The following HPR variants were observed in gnomAD, a reference collection of about 807,000 sequenced individuals.
The protein encoded by HPR is haptoglobin-related protein.
HPR carries 17 observed loss-of-function variants against 18.5 expected under a neutral mutation model. The observed-to-expected ratio is 0.92, with a 90% CI of 0.63 to 1.38. The LOEUF is 1.38. HPR is among the 40% of genes most tolerant of loss of function. The pLI, the probability that HPR is intolerant of heterozygous loss-of-function variation, is 0.00. For synonymous variants in HPR, 176 were observed against 165.0 expected (o/e 1.07, Z -0.51); for missense variants, 457 against 432.4 (o/e 1.06, Z -0.51).
chr16:72,063,553 C>T lies in HPR; in HGVS notation c.5+293C>T, dbSNP rs1345121515. 7.2e-5 allele frequency among the ~76,000 whole-genome samples: 11 copies of T among 151,974 alleles called. No individual in the cohort carries two copies. In the South Asian group the frequency reaches 8.3e-4, roughly 12 times the overall value. Reference sequence around the variant, plus strand: ...CTCCCGTGGTAGGCTTCCTGGCATTCGGAATATATTTACTAGCAGATATTT... The same window carrying T: ...CTCCCGTGGTAGGCTTCCTGGCATTTGGAATATATTTACTAGCAGATATTT... On this transcript the variant is annotated intron_variant, in intron 1 of 4. Coordinates refer to ENST00000540303, the MANE Select transcript of HPR (RefSeq NM_020995.4).
intron 1 of HPR, chr16:72,073,657 T>A (rs1262059100): frequency 7.2e-7 from 1 of 1,381,748 alleles, no homozygotes; most frequent in Admixed American, 2.3e-5. Context: ...GGAAGCTTGG[T>A]ATGCTCAGAA....
At chr16:72,069,164 C>CGGGGTT (rs1411109323) in intron 1 of HPR, among the ~76,000 whole-genome samples, 31 of 152,300 alleles carry the variant, frequency 2.0e-4, no homozygotes, top group African/African-American at 7.2e-4. Flanking sequence ...AAGGAACCAT[C>CGGGGTT]TATACTGATT....
chr16:72,064,614 G>A (rs2041578520), intron 1 of HPR, among the ~76,000 whole-genome samples: 1 of 152,304 alleles, frequency 6.6e-6, no homozygotes, highest in African/African-American at 2.4e-5. Context: ...GACAAGCTGC[G>A]TTAGACATAA....
rs191919728 is a variant in HPR at position 72,070,740 on chromosome 16, C to G, written c.6-3152C>G. ...GTCATCCTGTGTGGAGACAAGCAAG[C>G]TCAAAGGAAGCTGTCTCATGTAGAT... On this transcript the variant is annotated intron_variant, in intron 1 of 4. Coordinates refer to ENST00000540303, the MANE Select transcript of HPR (RefSeq NM_020995.4). Among the ~76,000 whole-genome samples, 382 of 152,236 alleles carry G rather than the reference C, an allele frequency of 2.5e-3. 3 individuals are homozygous for G. Among genetic ancestry groups the G allele is most frequent in the Non-Finnish European group, 4.0e-3 (271 of 68,016 alleles).
chr16:72,067,491 A>T (rs1482136442), intron 1 of HPR, among the ~76,000 whole-genome samples: 1 of 152,208 alleles, frequency 6.6e-6, no homozygotes, highest in Non-Finnish European at 1.5e-5. Context: ...AGTTAGGCAT[A>T]GGCCTACAAG....
At chr16:72,070,988 T>C (rs1414686118) in intron 1 of HPR, among the ~76,000 whole-genome samples, 2 of 152,152 alleles carry the variant, frequency 1.3e-5, no homozygotes, top group Non-Finnish European at 2.9e-5. Flanking sequence ...CCCTCATTGC[T>C]AATTATAGCT....
At chr16:72,067,149 G>A (rs1462888534) in intron 1 of HPR, among the ~76,000 whole-genome samples, 1 of 152,150 alleles carries the variant, frequency 6.6e-6, no homozygotes, top group Non-Finnish European at 1.5e-5. Flanking sequence ...TTCCACTCAC[G>A]ACCTTTGAAG....
intron 4 of HPR, 100 bp from the exon 5 acceptor site, chr16:72,076,203 A>G: frequency 2.6e-6 from 4 of 1,567,406 alleles, no homozygotes; most frequent in Non-Finnish European, 3.5e-6. Context: ...AAATCTTTCC[A>G]GTTTATGCAG....
chr16:72,074,675 T>G, intron 3 of HPR: 1 of 707,662 alleles, frequency 1.4e-6, no homozygotes. Context: ...AAAGAAGGAA[T>G]GCTGATGATG....
Position 72,076,462 on chromosome 16 carries a change from C to T in HPR, c.428C>T (p.Ala143Val), listed in dbSNP as rs761783296. ...LINEQWLLTTAKNLFLNHSEN... is the reference protein window; with the variant it reads ...LINEQWLLTTVKNLFLNHSEN... ...AATGAACAATGGCTGCTGACCACGGCTAAAAATCTCTTCCTGAACCATTCA... is the reference window on the plus strand; with the variant it reads ...AATGAACAATGGCTGCTGACCACGGTTAAAAATCTCTTCCTGAACCATTCA... The change falls in exon 5 of 5, where the codon GCT becomes GTT. Residue 143 changes from alanine (A) to valine (V), a missense_variant. Coordinates refer to ENST00000540303, the MANE Select transcript of HPR (RefSeq NM_020995.4). The T allele has an allele frequency of 1.5e-5, 25 of 1,614,140 alleles. No individual in the cohort carries two copies. Among genetic ancestry groups the T allele is most frequent in the Non-Finnish European group, 2.1e-5 (25 of 1,180,008 alleles).
chr16:72,065,924 T>A (rs1252753042), intron 1 of HPR, among the ~76,000 whole-genome samples: 1 of 152,186 alleles, frequency 6.6e-6, no homozygotes, highest in East Asian at 1.9e-4. Flanking sequence ...CTCAGGCAGC[T>A]GCTGCTGCCC....
Position 72,076,557 on chromosome 16 carries a change from A to G in HPR, c.523A>G (p.Ile175Val), listed in dbSNP as rs1315438899. 1.4e-5 allele frequency: 23 copies of G among 1,614,076 alleles called. No individual in the cohort carries two copies. The highest frequency in any genetic ancestry group is 1.9e-5 in the Non-Finnish European group (23 of 1,180,042). The change falls in exon 5 of 5, where the codon ATT (isoleucine) becomes GTT (valine). Residue 175 changes from isoleucine (I) to valine (V), a missense_variant. By Grantham distance (29) the Ile-to-Val change is conservative. Coordinates refer to ENST00000540303, the MANE Select transcript of HPR (RefSeq NM_020995.4). ...LYVGKKQLVE[I>V]EKVVLHPNYH... The stretch of plus-strand genomic sequence containing the variant: ...TGTGGGGAAAAAGCAGCTTGTAGAG[A>G]TTGAGAAGGTGGTTCTACACCCTAA...
chr16:72,072,493 A>T (rs1045350278), intron 1 of HPR, among the ~76,000 whole-genome samples: 2 of 152,224 alleles, frequency 1.3e-5, no homozygotes, highest in African/African-American at 4.8e-5. Flanking sequence ...TCCAGGTGGG[A>T]TCACACCAAA....
chr16:72,074,763 T>C (rs1344163424), intron 3 of HPR: 14 of 693,238 alleles, frequency 2.0e-5, no homozygotes, highest in South Asian at 6.1e-5. Context: ...ACTTAGTCCT[T>C]ACAGTTTCCC....
Position 72,074,303 on chromosome 16 carries a change from C to T in HPR, c.111C>T (p.Pro37=). The change falls in exon 3 of 5, where the codon CCC becomes CCT. Residue 37 remains proline, a synonymous_variant. Transcript: ENST00000540303. ...TDISDDRFPK[P]PEIANGYVEH... ...TTGCAGATGACCGCTTCCCGAAGCC[C>T]CCTGAGATTGCAAATGGCTATGTGG... 1.2e-6 allele frequency: 2 copies of T among 1,613,990 alleles called. No individual in the cohort carries two copies. Among genetic ancestry groups the T allele is most frequent in the East Asian group, 4.5e-5 (2 of 44,828 alleles).
chr16:72,074,189 T>C (rs2041690874), intron 2 of HPR, 95 bp from the exon 3 acceptor site: 7 of 1,284,830 alleles, frequency 5.4e-6, no homozygotes, highest in Admixed American at 3.4e-5. Flanking sequence ...TAGAAGGAGA[T>C]TGATGTGCAG....
In HPR at chr16:72,077,124, G is replaced by C. The variant is rs748657196; in HGVS notation, c.*43G>C. 1 of 1,573,220 alleles carries C rather than the reference G, an allele frequency of 6.4e-7. No homozygotes were observed. The highest frequency in any genetic ancestry group is 1.2e-5 in the South Asian group (1 of 84,850). On this transcript the variant is annotated 3_prime_UTR_variant, in exon 5 of 5. Transcript: ENST00000540303. The stretch of plus-strand genomic sequence containing the variant: ...GCCCTTGCCTGAAAGCAAGATTTCA[G>C]CCTGGAAGAGGGCAAAGTGGACGGG...
intron 1 of HPR, among the ~76,000 whole-genome samples, chr16:72,066,255 C>T (rs537840867): frequency 1.1e-4 from 17 of 152,204 alleles, no homozygotes; most frequent in African/African-American, 3.9e-4. Context: ...GCTAGATGAC[C>T]CCTATGGAGT....
chr16:72,071,211 C>T (rs1436168657), intron 1 of HPR, among the ~76,000 whole-genome samples: 1 of 152,288 alleles, frequency 6.6e-6, no homozygotes, highest in East Asian at 1.9e-4. Context: ...CCAAAACAAC[C>T]CAACTAAAGT....
Sources: gnomAD v4.1 joint callset for allele counts (sites outside exome capture counted in the v4.1 genomes callset) on GRCh38, gnomAD v4.1.1 for gene constraint, MANE v1.5 for transcripts, NCBI Gene and HGNC (gene_info 2026-07-23, HGNC 2026-07-21) for gene names.